The following CLMP variants were observed in gnomAD, a reference collection of about 807,000 sequenced individuals.
The protein encoded by CLMP is CXADR-like membrane protein.
A neutral mutation model predicts 45.2 loss-of-function variants in CLMP; 27 were observed. That is an observed-to-expected ratio of 0.60 (90% confidence interval 0.44 to 0.82). The LOEUF is 0.82. Ranked by LOEUF, CLMP falls within the 40% of genes least tolerant of loss-of-function variation. The pLI is 0.00. For missense variants in CLMP, 403 were observed against 448.4 expected, an observed-to-expected ratio of 0.90 and a Z score of 0.91; for synonymous variants, 167 against 171.4, an observed-to-expected ratio of 0.97 and a Z score of 0.20.
chr11:123,146,495 C>A (rs1257785208), intron 1 of CLMP, among the ~76,000 whole-genome samples: 2 of 152,164 alleles, frequency 1.3e-5, no homozygotes, highest in Non-Finnish European at 2.9e-5. Flanking sequence ...CGATCACAGT[C>A]TTGGTGGGGA....
At position 123,070,370 on chromosome 11, in the gene CLMP, C is replaced by T. The variant is rs140005474; in HGVS notation, c.*3104G>A. On this transcript the variant is annotated 3_prime_UTR_variant, in exon 7 of 7. Coordinates refer to ENST00000448775, the MANE Select transcript of CLMP (RefSeq NM_024769.5). ...TTGCTAAGACTTGAACAGTTTATCT[C>T]TCAGAATCTTCAGTTCCTTTGAATT... The T allele has an allele frequency of 4.6e-5, 7 of 152,316 alleles. No individual in the cohort carries two copies. The highest frequency in any genetic ancestry group is 8.8e-5 in the Non-Finnish European group (6 of 68,028). The allele number at this position is 152,316 out of a possible 1,614,324, so 9.4% of individuals were successfully genotyped here. A position where few individuals can be genotyped will look rare whatever the true frequency, so the allele number is the denominator to read the frequency against.
At chr11:123,177,571 C>A (rs1475238836) in intron 1 of CLMP, among the ~76,000 whole-genome samples, 2 of 152,138 alleles carry the variant, frequency 1.3e-5, no homozygotes, top group Non-Finnish European at 2.9e-5. Flanking sequence ...GCCTCAAGAT[C>A]AAAACAAATC....
intron 2 of CLMP, among the ~76,000 whole-genome samples, chr11:123,097,549 G>A (rs377344392): frequency 1.7e-3 from 262 of 152,158 alleles, no homozygotes; most frequent in African/African-American, 6.0e-3. Flanking sequence ...GGCTGGTCTC[G>A]AACTCCTGAC....
At chr11:123,163,733 C>T (rs927133461) in intron 1 of CLMP, among the ~76,000 whole-genome samples, 5 of 152,068 alleles carry the variant, frequency 3.3e-5, no homozygotes, top group Non-Finnish European at 7.4e-5. Flanking sequence ...TCAGATCTTT[C>T]AAGGACTGGA....
chr11:123,105,730 G>A (rs985287348), intron 1 of CLMP, among the ~76,000 whole-genome samples: 1 of 151,616 alleles, frequency 6.6e-6, no homozygotes, highest in Non-Finnish European at 1.5e-5. Context: ...GTGCCAAGCC[G>A]TATTTACATT....
intron 1 of CLMP, among the ~76,000 whole-genome samples, chr11:123,151,341 A>C (rs1861335291): frequency 6.6e-6 from 1 of 152,210 alleles, no homozygotes; most frequent in South Asian, 2.1e-4. Flanking sequence ...CCTGGCTTTA[A>C]GTTTCTGGAT....
chr11:123,150,488 G>GAAAGAAAGAAAGAAA (rs1263238542), intron 1 of CLMP, among the ~76,000 whole-genome samples: 2 of 47,840 alleles, frequency 4.2e-5, no homozygotes, highest in Non-Finnish European at 8.7e-5. Flanking sequence ...AGAAAGGAAG[G>GAAAGAAAGAAAGAAA]AAGGAAGGAA....
At chr11:123,159,994 C>T (rs1187994829) in intron 1 of CLMP, among the ~76,000 whole-genome samples, 3 of 151,994 alleles carry the variant, frequency 2.0e-5, no homozygotes, top group Admixed American at 2.0e-4. Flanking sequence ...TTTCAATAAT[C>T]CCGGCTGGGT....
At chr11:123,183,477 T>C (rs1462603818) in intron 1 of CLMP, among the ~76,000 whole-genome samples, 1 of 152,040 alleles carries the variant, frequency 6.6e-6, no homozygotes, top group African/African-American at 2.4e-5. Flanking sequence ...GTGATTCACC[T>C]ACCTCGGCCT....
intron 1 of CLMP, among the ~76,000 whole-genome samples, chr11:123,148,783 A>G (rs1169658968): frequency 6.6e-6 from 1 of 152,194 alleles, no homozygotes; most frequent in East Asian, 1.9e-4. Flanking sequence ...TGCATGGCCC[A>G]GGTTCTAGTC....
At chr11:123,087,492 TA>T (rs1370026391) in intron 2 of CLMP, among the ~76,000 whole-genome samples, 3 of 146,274 alleles carry the variant, frequency 2.1e-5, no homozygotes, top group African/African-American at 7.7e-5. Flanking sequence ...CTGGGCAACA[TA>T]ACAAGATTCT....
intron 1 of CLMP, among the ~76,000 whole-genome samples, chr11:123,134,150 C>T (rs1025264542): frequency 2.0e-5 from 3 of 151,410 alleles, no homozygotes; most frequent in African/African-American, 7.3e-5. Flanking sequence ...ATCCCAGCTA[C>T]TCGGGAGGCT....
intron 1 of CLMP, among the ~76,000 whole-genome samples, chr11:123,126,981 A>T (rs1860905418): frequency 1.3e-5 from 2 of 152,118 alleles, no homozygotes; most frequent in South Asian, 4.1e-4. Context: ...GTAATGAGAG[A>T]AATAATTATA....
rs570649907 is a variant in CLMP, at chr11:123,176,423, T to C, written c.28+18490A>G. ...TGAGTGACCCAAGGAAGCTTAACCATTTGGGCGTTTTGTTCAAGGAATGAG... is the reference window on the plus strand; with the variant it reads ...TGAGTGACCCAAGGAAGCTTAACCACTTGGGCGTTTTGTTCAAGGAATGAG... On this transcript the variant is annotated intron_variant, in intron 1 of 6. Coordinates refer to ENST00000448775, the MANE Select transcript of CLMP (RefSeq NM_024769.5). Among the ~76,000 whole-genome samples the C allele has an allele frequency of 4.2e-3, 645 of 152,326 alleles. 2 individuals are homozygous for C. Among genetic ancestry groups the C allele is most frequent in the African/African-American group, 0.013 (559 of 41,564 alleles).
intron 1 of CLMP, among the ~76,000 whole-genome samples, chr11:123,180,216 C>T (rs1861751611): frequency 6.6e-6 from 1 of 152,310 alleles, no homozygotes; most frequent in East Asian, 1.9e-4. Context: ...ATGATATAGA[C>T]GAAGTCTTGG....
chr11:123,089,749 C>T (rs1016559376), intron 2 of CLMP, among the ~76,000 whole-genome samples: 5 of 144,852 alleles, frequency 3.5e-5, no homozygotes, highest in Non-Finnish European at 6.0e-5. Flanking sequence ...TGCACTCCAG[C>T]CTGGGCGACA....
rs1210645108 is a variant in CLMP, at chr11:123,150,496, G to A, written c.28+44417C>T. On this transcript the variant is annotated intron_variant, in intron 1 of 6. Coordinates refer to ENST00000448775, the MANE Select transcript of CLMP (RefSeq NM_024769.5). ...GAAAGAAAGAAAGGAAGGAAGGAAGGAAGGAAGGAAGGAAGGAAGGAAGGA... is the reference window on the plus strand; with the variant it reads ...GAAAGAAAGAAAGGAAGGAAGGAAGAAAGGAAGGAAGGAAGGAAGGAAGGA... 9.7e-3 allele frequency among the ~76,000 whole-genome samples: 836 copies of A among 85,948 alleles called. 7 individuals carry two copies. The highest frequency in any genetic ancestry group is 0.026 in the South Asian group (52 of 2,016). 56.4% of individuals were successfully genotyped at this position (85,948 alleles called of 152,430 possible).
At chr11:123,091,410 G>T (rs2135475862) in intron 2 of CLMP, among the ~76,000 whole-genome samples, 1 of 152,202 alleles carries the variant, frequency 6.6e-6, no homozygotes, top group South Asian at 2.1e-4. Flanking sequence ...CATCCGGAGT[G>T]ATTATTCCTA....
chr11:123,121,126 C>CAA lies in CLMP; in HGVS notation c.29-23176_29-23175dup, dbSNP rs760887619. 9.4e-3 allele frequency among the ~76,000 whole-genome samples: 615 copies of CAA among 65,174 alleles called. 14 individuals are homozygous for CAA. Among genetic ancestry groups the CAA allele is most frequent in the African/African-American group, 0.024 (466 of 19,382 alleles). The allele number at this position is 65,174 out of a possible 152,430, so 42.8% of individuals were successfully genotyped here. Reference sequence around the variant, plus strand: ...TGGGCGACAGAGCGAGACTCCGTCTCAAAAAAAAAAAAAAAAAAAAGCTGT... The same window carrying CAA: ...TGGGCGACAGAGCGAGACTCCGTCTCAAAAAAAAAAAAAAAAAAAAAAGCTGT... On this transcript the variant is annotated intron_variant, in intron 1 of 6. Coordinates refer to ENST00000448775, the MANE Select transcript of CLMP (RefSeq NM_024769.5).
Sources: gnomAD v4.1 joint callset for allele counts (sites outside exome capture counted in the v4.1 genomes callset) on GRCh38, gnomAD v4.1.1 for gene constraint, MANE v1.5 for transcripts, NCBI Gene and HGNC (gene_info 2026-07-23, HGNC 2026-07-21) for gene names.